ARMCX4: variants seen among roughly 807,000 people sequenced by gnomAD.
The protein encoded by ARMCX4 is armadillo repeat containing X-linked 4.
ARMCX4 carries 3 observed loss-of-function variants against 34.7 expected under a neutral mutation model. That is an observed-to-expected ratio of 0.09 (90% CI 0.04 to 0.22). The LOEUF is 0.22. ARMCX4 is among the 10% of genes least tolerant of loss of function. The pLI is 1.00. For synonymous variants in ARMCX4, 513 were observed against 632.8 expected (o/e 0.81, Z 2.84); for missense variants, 1,448 against 1,720.8 (o/e 0.84, Z 2.81).
At chrX:101,455,083 C>G (rs782120177) in intron 4 of ARMCX4, among the ~76,000 whole-genome samples, 1 of 111,478 alleles carries the variant, frequency 9.0e-6, no homozygotes, top group Non-Finnish European at 1.9e-5. Flanking sequence ...CCATTTAGAC[C>G]ATTGCAGTGG....
rs1556007932 is a variant in ARMCX4 at position 101,489,414 on chromosome X, C to T, written c.825C>T (p.Asp275=). The T allele has an allele frequency of 3.5e-6, 4 of 1,155,418 alleles. No homozygotes were observed. Among genetic ancestry groups the T allele is most frequent in the Non-Finnish European group, 4.6e-6 (4 of 872,764 alleles). The change falls in exon 6 of 6, where the codon GAC becomes GAT. Residue 275 remains aspartate, a synonymous_variant. Transcript: ENST00000423738. The stretch of plus-strand genomic sequence containing the variant: ...TGTCCAGGGAGGTGGCTGGAGTGGA[C>T]ATGAAGTCCTGTGCACAGTCTCAGG... ...NGMSREVAGV[D]MKSCAQSQAV... is the part of the protein sequence containing the mutation.
chrX:101,445,969 T>G (rs782102051), intron 3 of ARMCX4: 1 of 111,914 alleles, frequency 8.9e-6, no homozygotes, highest in African/African-American at 3.2e-5. Context: ...CTTTATTGAT[T>G]GTGATTACAT....
chrX:101,483,129 C>T (rs1933534914), upstream of ARMCX4, among the ~76,000 whole-genome samples: 1 of 109,122 alleles, frequency 9.2e-6, no homozygotes, highest in Admixed American at 9.9e-5. Context: ...CTCCTGACCT[C>T]GTGATCCACC....
chrX:101,450,337 A>T (rs1185468749), downstream of ARMCX4, among the ~76,000 whole-genome samples: 1 of 111,955 alleles, frequency 8.9e-6, no homozygotes, highest in Non-Finnish European at 1.9e-5. Flanking sequence ...GCCTCACTCC[A>T]TGGTCACTGC....
downstream of ARMCX4, among the ~76,000 whole-genome samples, chrX:101,496,278 C>T (rs1248674161): frequency 3.6e-5 from 4 of 110,045 alleles, no homozygotes; most frequent in Admixed American, 9.8e-5. Flanking sequence ...AATGACAAGA[C>T]GAAAGGAAAA....
In ARMCX4 at chrX:101,433,238, A is replaced by ACATG. The variant is rs1930394649; in HGVS notation, n.165-10814_165-10813insCATG. On this transcript the variant is annotated intron_variant and non_coding_transcript_variant, in intron 2 of 3. Transcript: ENST00000430461. ...CACATATATACATATATGTACACAT[A>ACATG]TGTATATATACACACATATATACAT... Among the ~76,000 whole-genome samples the ACATG allele has an allele frequency of 5.3e-5, 2 of 37,754 alleles. 1 individual carries two copies. The highest frequency in any genetic ancestry group is 3.0e-3 in the South Asian group (2 of 676). 32.8% of individuals were successfully genotyped at this position (37,754 alleles called of 115,157 possible). A position where few individuals can be genotyped will look rare whatever the true frequency, so the allele number is the denominator to read the frequency against.
At chrX:101,515,568 T>C (rs1277260092) in intron 11 of ARMCX4, among the ~76,000 whole-genome samples, 1 of 97,228 alleles carries the variant, frequency 1.0e-5, no homozygotes, top group Non-Finnish European at 2.0e-5. Flanking sequence ...TGACAAAGTC[T>C]CACTCTGTTG....
intron 2 of ARMCX4, among the ~76,000 whole-genome samples, chrX:101,437,202 A>G (rs1930854569): frequency 8.9e-6 from 1 of 112,030 alleles, no homozygotes; most frequent in African/African-American, 3.2e-5. Context: ...ACTGATTGGA[A>G]TAGTTTCAGA....
chrX:101,490,650 G>T lies in ARMCX4; in HGVS notation c.2061G>T (p.Lys687Asn). ...AGGCCTTGCTTGATTCTAAGAATAA[G>T]GTCAAGGGTAATTCCAATGCTGTGT... ...KGEALLDSKN[K>N]VKGNSNAVSK... is the part of the protein sequence containing the mutation. Residue 687 changes from lysine to asparagine, a missense_variant, in exon 6 of 6, where the codon AAG becomes AAT. Lys to Asn is a moderately conservative substitution (Grantham distance 94). Transcript: ENST00000423738. The T allele has an allele frequency of 8.7e-7, 1 of 1,155,959 alleles. No individual in the cohort carries two copies. Among genetic ancestry groups the T allele is most frequent in the Non-Finnish European group, 1.1e-6 (1 of 872,915 alleles).
intron 2 of ARMCX4, among the ~76,000 whole-genome samples, chrX:101,436,285 G>A (rs1386269887): frequency 3.6e-5 from 4 of 111,209 alleles, no homozygotes; most frequent in Non-Finnish European, 5.7e-5. Context: ...AGCATGGAAT[G>A]TTCTTCCATT....
intron 11 of ARMCX4, among the ~76,000 whole-genome samples, chrX:101,512,708 G>A (rs1216188759): frequency 1.9e-5 from 2 of 107,531 alleles, no homozygotes; most frequent in Admixed American, 2.0e-4. Flanking sequence ...TTCTGTATTA[G>A]GACTCTCTAG....
chrX:101,432,878 G>A (rs1481964539), intron 2 of ARMCX4, among the ~76,000 whole-genome samples: 2 of 75,751 alleles, frequency 2.6e-5, no homozygotes, highest in African/African-American at 4.5e-5. Context: ...ATACACATAT[G>A]TATACGTGTG....
downstream of ARMCX4, among the ~76,000 whole-genome samples, chrX:101,450,543 C>T (rs1189226311): frequency 8.9e-6 from 1 of 111,742 alleles, no homozygotes; most frequent in African/African-American, 3.3e-5. Flanking sequence ...ACCCCAAGAA[C>T]CCACTTTGTG....
Position 101,429,488 on chromosome X carries a change from A to G in ARMCX4, n.164+10488A>G, listed in dbSNP as rs559751362. On this transcript the variant is annotated intron_variant and non_coding_transcript_variant, in intron 2 of 3. Transcript: ENST00000430461. ...GTAGCTGGGACTACAGGCATGCGCC[A>G]CCATGCCTGGCTAATTTTTGTATTT... is the stretch of plus-strand genomic sequence containing the variant. Among the ~76,000 whole-genome samples the G allele has an allele frequency of 7.4e-4, 81 of 109,188 alleles. No individual in the cohort carries two copies. In the Middle Eastern group the frequency reaches 0.014, roughly 19 times the overall value. 94.8% of individuals were successfully genotyped at this position (109,188 alleles called of 115,157 possible). A position where few individuals can be genotyped will look rare whatever the true frequency, so the allele number is the denominator to read the frequency against.
intron 2 of ARMCX4, among the ~76,000 whole-genome samples, chrX:101,435,610 G>GTT (rs1236217973): frequency 3.9e-5 from 4 of 102,894 alleles, no homozygotes; most frequent in Admixed American, 1.0e-4. Flanking sequence ...TCTGATGGTA[G>GTT]TTTTTTTTTT....
chrX:101,526,873 A>C (rs1934987700), intron 11 of ARMCX4, among the ~76,000 whole-genome samples: 1 of 111,520 alleles, frequency 9.0e-6, no homozygotes, highest in Admixed American at 9.5e-5. Context: ...ACTCACACAC[A>C]ATAATAATGG....
chrX:101,491,630 C>G lies in ARMCX4; in HGVS notation c.3041C>G (p.Ala1014Gly). 1 of 1,156,435 alleles carries G rather than the reference C, an allele frequency of 8.6e-7. No individual in the cohort carries two copies. The highest frequency in any genetic ancestry group is 1.1e-6 in the Non-Finnish European group (1 of 872,861). The part of the protein sequence containing the change: ...ARNKVKGNTI[A>G]VPKAGTGAGT... ...AATAAGGTCAAGGGCAATACCATTG[C>G]TGTGCCTAAAGCAGGGACTGGGGCA... The change falls in exon 6 of 6, where the codon GCT (alanine) becomes GGT (glycine). Residue 1014 changes from alanine (A) to glycine (G), a missense_variant. Ala to Gly is a moderately conservative substitution (Grantham distance 60, BLOSUM62 0). Coordinates refer to ENST00000423738, the MANE Select transcript of ARMCX4 (RefSeq NM_001256155.3).
At chrX:101,419,654 T>C (rs1273525692) in intron 2 of ARMCX4, among the ~76,000 whole-genome samples, 3 of 111,637 alleles carry the variant, frequency 2.7e-5, no homozygotes, top group African/African-American at 9.8e-5. Flanking sequence ...AACTACACCT[T>C]GTCCTTGGGC....
downstream of ARMCX4, among the ~76,000 whole-genome samples, chrX:101,451,167 G>C (rs782417836): frequency 1.8e-5 from 2 of 111,218 alleles, no homozygotes; most frequent in African/African-American, 6.5e-5. Flanking sequence ...GGCCTAGACT[G>C]TCTTTCAAGT....
Sources: gnomAD v4.1 joint callset for allele counts (sites outside exome capture counted in the v4.1 genomes callset) on GRCh38, gnomAD v4.1.1 for gene constraint, MANE v1.5 for transcripts, NCBI Gene and HGNC (gene_info 2026-07-23, HGNC 2026-07-21) for gene names.